The following GBE1 variants were observed in gnomAD, a reference collection of about 807,000 sequenced individuals.
GBE1 encodes 1,4-alpha-glucan-branching enzyme.
A neutral mutation model predicts 88.8 loss-of-function variants in GBE1; 70 were observed. The ratio of observed to expected loss-of-function variants is 0.79; its 90% confidence interval spans 0.65 to 0.96. The LOEUF (loss-of-function observed/expected upper bound fraction) is 0.96. Among genes scored for constraint, GBE1 ranks in the 40% least tolerant of loss-of-function variants. The probability of loss-of-function intolerance (pLI) is 0.00; values close to 1 mark genes in which losing one functional copy is unlikely to be tolerated. For synonymous variants in GBE1, 284 were observed against 300.1 expected (o/e 0.95, Z 0.56); for missense variants, 872 against 871.0 (o/e 1.00, Z -0.01).
intron 14 of GBE1, among the ~76,000 whole-genome samples, chr3:81,527,032 A>G (rs1478949745): frequency 2.0e-5 from 3 of 152,048 alleles, no homozygotes. Flanking sequence ...ATATAGACCA[A>G]TGGAACAGAA....
intron 12 of GBE1, among the ~76,000 whole-genome samples, chr3:81,545,614 A>ATG (rs3083686): frequency 0.21 from 31,052 of 149,360 alleles, 3,400 homozygotes; most frequent in African/African-American, 0.29. Context: ...TATCAAGCAT[A>ATG]TGTGTGTGTG....
Position 81,670,890 on chromosome 3 carries a change from A to T in GBE1, c.377T>A (p.Ile126Asn). The T allele has an allele frequency of 1.3e-6, 2 of 1,583,490 alleles. No homozygotes were observed. Among genetic ancestry groups the T allele is most frequent in the Admixed American group, 1.9e-5 (1 of 53,970 alleles). ...TACAGATTTATTCTGCTTTGGTGGG[A>T]TATACAGCTCCCATTTTCCATAATC... Reference protein sequence around the residue: ...KLDYGKWELYIPPKQNKSVLV... With the variant: ...KLDYGKWELYNPPKQNKSVLV... Residue 126 changes from isoleucine (I) to asparagine (N), a missense_variant, in exon 3 of 16, where the codon ATC becomes AAC. Coordinates refer to ENST00000429644, the MANE Select transcript of GBE1 (RefSeq NM_000158.4).
chr3:81,639,108 A>G (rs1704633143), intron 7 of GBE1, among the ~76,000 whole-genome samples: 1 of 152,130 alleles, frequency 6.6e-6, no homozygotes, highest in Non-Finnish European at 1.5e-5. Flanking sequence ...TTTCATCTGA[A>G]TAAGGAACAA....
rs1706496863 is a variant in GBE1 at position 81,750,591 on chromosome 3, ATATATATATGTG to A, written c.143+10772_143+10783del. On this transcript the variant is annotated intron_variant, in intron 1 of 15. Transcript: ENST00000429644. ...TATATATATACGTATATATATACGT[ATATATATATGTG>A]TATATATATATATGTATATATATAT... Among the ~76,000 whole-genome samples, 5 of 51,956 alleles carry A rather than the reference ATATATATATGTG, an allele frequency of 9.6e-5. No individual in the cohort carries two copies. In the East Asian group the frequency reaches 0.01, roughly 105 times the overall value. 34.1% of individuals were successfully genotyped at this position (51,956 alleles called of 152,430 possible). A position where few individuals can be genotyped will look rare whatever the true frequency, so the allele number is the denominator to read the frequency against.
chr3:81,499,172 C>T lies in GBE1; in HGVS notation c.1990G>A (p.Asp664Asn), dbSNP rs368784983. Residue 664 changes from aspartate to asparagine, a missense_variant, in exon 15 of 16, where the codon GAC becomes AAC. Asp to Asn is a conservative substitution (Grantham distance 23). Coordinates refer to ENST00000429644, the MANE Select transcript of GBE1 (RefSeq NM_000158.4). The part of the protein sequence containing the change: ...AAEYGGHQRL[D>N]HSTDFFSEAF... ...TCAGAAAAAAAGTCAGTGCTGTGGT[C>T]CAGTCTCTGATGCCCTCCATATTCC... The T allele has an allele frequency of 1.9e-6, 3 of 1,612,056 alleles. No homozygotes were observed. Among genetic ancestry groups the T allele is most frequent in the East Asian group, 2.2e-5 (1 of 44,820 alleles).
At chr3:81,599,822 T>TA (rs1241347522) in intron 7 of GBE1, among the ~76,000 whole-genome samples, 1 of 152,224 alleles carries the variant, frequency 6.6e-6, no homozygotes, top group Non-Finnish European at 1.5e-5. Flanking sequence ...TGAACATAGG[T>TA]AATATACATC....
chr3:81,677,910 C>A (rs1705284423), intron 2 of GBE1, among the ~76,000 whole-genome samples: 1 of 152,112 alleles, frequency 6.6e-6, no homozygotes, highest in South Asian at 2.1e-4. Context: ...CAGAGTGCCA[C>A]TAAATTCAGA....
rs763469617 is a variant in GBE1, at chr3:81,761,411, G to A, written c.107C>T (p.Pro36Leu). 2 of 1,613,350 alleles carry A rather than the reference G, an allele frequency of 1.2e-6. No homozygotes were observed. Among genetic ancestry groups the A allele is most frequent in the Non-Finnish European group, 1.7e-6 (2 of 1,179,502 alleles). ...GTCCACGGCGTAGGGCTTCAAGTAC[G>A]GGTCGATCTCCAGGAGTCTGGCCAG... is the stretch of plus-strand genomic sequence containing the variant. Reference protein sequence around the residue: ...PELARLLEIDPYLKPYAVDFQ... With the variant: ...PELARLLEIDLYLKPYAVDFQ... The change falls in exon 1 of 16, where the codon CCG becomes CTG. Residue 36 changes from proline (P) to leucine (L), a missense_variant. By Grantham distance (98) the Pro-to-Leu change is moderately conservative. Coordinates refer to ENST00000429644, the MANE Select transcript of GBE1 (RefSeq NM_000158.4).
intron 1 of GBE1, among the ~76,000 whole-genome samples, chr3:81,745,919 T>G (rs1458776156): frequency 6.6e-6 from 1 of 152,152 alleles, no homozygotes; most frequent in Non-Finnish European, 1.5e-5. Context: ...TCTAATATAT[T>G]TATAAGATAA....
chr3:81,565,723 T>C (rs184821367), intron 12 of GBE1, among the ~76,000 whole-genome samples: 272 of 152,294 alleles, frequency 1.8e-3, no homozygotes, highest in Non-Finnish European at 3.1e-3. Context: ...TCTCCACAGG[T>C]ATCACTCATT....
intron 12 of GBE1, among the ~76,000 whole-genome samples, chr3:81,540,522 G>A (rs966208953): frequency 6.6e-6 from 1 of 152,054 alleles, no homozygotes; most frequent in Non-Finnish European, 1.5e-5. Context: ...TCTGAGGAGA[G>A]AACCAGCTGC....
chr3:81,675,415 G>A (rs910836827), intron 2 of GBE1, among the ~76,000 whole-genome samples: 1 of 151,980 alleles, frequency 6.6e-6, no homozygotes, highest in Non-Finnish European at 1.5e-5. Flanking sequence ...CAATCTCAGA[G>A]ATCAAGGAAT....
intron 1 of GBE1, among the ~76,000 whole-genome samples, chr3:81,715,509 C>A (rs1006731294): frequency 2.0e-5 from 3 of 152,134 alleles, no homozygotes; most frequent in African/African-American, 4.8e-5. Context: ...CTATTATAAT[C>A]TTTATCAATG....
At chr3:81,745,925 G>T (rs1214109850) in intron 1 of GBE1, among the ~76,000 whole-genome samples, 1 of 151,952 alleles carries the variant, frequency 6.6e-6, no homozygotes, top group Admixed American at 6.6e-5. Flanking sequence ...ATATTTATAA[G>T]ATAATGAACC....
intron 2 of GBE1, among the ~76,000 whole-genome samples, chr3:81,702,567 C>T (rs1705715405): frequency 2.0e-5 from 3 of 152,072 alleles, no homozygotes; most frequent in Non-Finnish European, 2.9e-5. Flanking sequence ...AAAGGCCCAC[C>T]GATTACATCT....
chr3:81,612,797 G>A (rs1704200083), intron 7 of GBE1: 1 of 432,622 alleles, frequency 2.3e-6, no homozygotes, highest in South Asian at 1.9e-5. Context: ...GTGGTCCAGA[G>A]AGCTTCTTTA....
Position 81,572,385 on chromosome 3 carries a change from T to C in GBE1, c.1618+5540A>G, listed in dbSNP as rs1235638525. Among the ~76,000 whole-genome samples, 26 of 152,226 alleles carry C rather than the reference T, an allele frequency of 1.7e-4. 1 individual carries two copies. The highest frequency in any genetic ancestry group is 3.5e-4 in the Non-Finnish European group (24 of 68,040). ...CTCCTTACTATTGCCCAATGTAGTA[T>C]AAAGTTACAAAGATCTTTCTGAGAA... On this transcript the variant is annotated intron_variant, in intron 12 of 15. Transcript: ENST00000429644.
At chr3:81,681,026 T>A (rs1705333042) in intron 2 of GBE1, among the ~76,000 whole-genome samples, 1 of 152,260 alleles carries the variant, frequency 6.6e-6, no homozygotes, top group South Asian at 2.1e-4. Flanking sequence ...GGTTTTGGTC[T>A]GAACCTGACT....
chr3:81,670,785 C>G, intron 3 of GBE1, 53 bp downstream of exon 3: 1 of 970,890 alleles, frequency 1.0e-6, no homozygotes, highest in Non-Finnish European at 1.5e-6. Context: ...ACTTGGCAAA[C>G]AAGATAAAAA....
Sources: gnomAD v4.1 joint callset for allele counts (sites outside exome capture counted in the v4.1 genomes callset) on GRCh38, gnomAD v4.1.1 for gene constraint, MANE v1.5 for transcripts, NCBI Gene and HGNC (gene_info 2026-07-23, HGNC 2026-07-21) for gene names.